AGMO: variants seen among roughly 807,000 people sequenced by gnomAD.
AGMO encodes alkylglycerol monooxygenase, also known as glyceryl-ether monooxygenase.
A neutral mutation model predicts 60.2 loss-of-function variants in AGMO; 75 were observed. The observed-to-expected ratio is 1.25, with a 90% CI of 1.03 to 1.51. AGMO has a LOEUF of 1.51. AGMO is among the 40% of genes most tolerant of loss of function. The probability of loss-of-function intolerance (pLI) is 0.00; values close to 1 mark genes in which losing one functional copy is unlikely to be tolerated. For missense variants in AGMO, 763 were observed against 525.5 expected (o/e 1.45, Z -4.42); for synonymous variants, 261 against 177.1 (o/e 1.47, Z -3.76).
intron 12 of AGMO, among the ~76,000 whole-genome samples, chr7:15,364,613 T>A (rs912069117): frequency 6.6e-6 from 1 of 152,092 alleles, no homozygotes; most frequent in African/African-American, 2.4e-5. Context: ...TGTGTGAGTA[T>A]ATCATTTCAG....
At chr7:15,381,882 G>A (rs1460146625) in intron 10 of AGMO, among the ~76,000 whole-genome samples, 1 of 152,118 alleles carries the variant, frequency 6.6e-6, no homozygotes, top group Non-Finnish European at 1.5e-5. Context: ...GAACATGGAT[G>A]GAGCTGGAGG....
intron 6 of AGMO, among the ~76,000 whole-genome samples, chr7:15,391,110 G>C (rs940340052): frequency 6.6e-6 from 1 of 151,924 alleles, no homozygotes; most frequent in African/African-American, 2.4e-5. Flanking sequence ...CTAAAAAGGG[G>C]AAGTGTTTTC....
chr7:15,328,759 T>A (rs536870630), intron 12 of AGMO, among the ~76,000 whole-genome samples: 4 of 152,120 alleles, frequency 2.6e-5, no homozygotes, highest in African/African-American at 7.2e-5. Flanking sequence ...TTTCCAAGAG[T>A]TTCCCATATA....
intron 12 of AGMO, among the ~76,000 whole-genome samples, chr7:15,220,592 G>A (rs1781889997): frequency 6.6e-6 from 1 of 151,854 alleles, no homozygotes; most frequent in African/African-American, 2.4e-5. Context: ...ATACTGTCTT[G>A]TGCATGTTAA....
the AGMO span, among the ~76,000 whole-genome samples, chr7:15,132,187 C>T: frequency 6.6e-6 from 1 of 152,032 alleles, no homozygotes; most frequent in African/African-American, 2.4e-5. Context: ...CTGGTGTTCG[C>T]TGATATTAGA....
At chr7:15,484,918 AAT>A (rs1782871348) in intron 3 of AGMO, among the ~76,000 whole-genome samples, 1 of 152,142 alleles carries the variant, frequency 6.6e-6, no homozygotes, top group African/African-American at 2.4e-5. Flanking sequence ...ACATCAACGA[AAT>A]ATGTAGAGGG....
chr7:15,311,686 A>C (rs1049444174), intron 12 of AGMO, among the ~76,000 whole-genome samples: 5 of 152,212 alleles, frequency 3.3e-5, no homozygotes, highest in Admixed American at 6.5e-5. Flanking sequence ...TTTAAAAATC[A>C]GGGACCAATA....
intron 12 of AGMO, among the ~76,000 whole-genome samples, chr7:15,247,200 G>C (rs956687025): frequency 3.3e-5 from 5 of 151,674 alleles, no homozygotes; most frequent in African/African-American, 1.2e-4. Flanking sequence ...AGTAGAGAAA[G>C]ATGTTTATCA....
intron 3 of AGMO, among the ~76,000 whole-genome samples, chr7:15,468,271 T>A (rs1406919321): frequency 6.6e-6 from 1 of 152,180 alleles, no homozygotes; most frequent in East Asian, 1.9e-4. Flanking sequence ...TGTTTTTACT[T>A]TTCTCCTGGA....
chr7:15,382,486 A>T (rs1358959312), intron 10 of AGMO, among the ~76,000 whole-genome samples: 6 of 152,178 alleles, frequency 3.9e-5, no homozygotes, highest in African/African-American at 1.4e-4. Flanking sequence ...GAGGCATGAA[A>T]GGAAGTTCGC....
chr7:15,291,415 C>T (rs1015014051), intron 12 of AGMO, among the ~76,000 whole-genome samples: 14 of 152,110 alleles, frequency 9.2e-5, no homozygotes, highest in African/African-American at 3.4e-4. Flanking sequence ...TATTGTATTT[C>T]TAACTTTGCC....
intron 12 of AGMO, among the ~76,000 whole-genome samples, chr7:15,325,858 C>T (rs1014358167): frequency 6.6e-6 from 1 of 151,984 alleles, no homozygotes; most frequent in African/African-American, 2.4e-5. Context: ...TTTATGACAT[C>T]TTGACTTGGT....
At chr7:15,374,870 T>C (rs1181656473) in intron 10 of AGMO, among the ~76,000 whole-genome samples, 3 of 152,000 alleles carry the variant, frequency 2.0e-5, no homozygotes, top group Non-Finnish European at 4.4e-5. Flanking sequence ...TAGAGAACCC[T>C]AAAAATTTGC....
intron 12 of AGMO, among the ~76,000 whole-genome samples, chr7:15,349,749 C>G (rs974265901): frequency 6.6e-6 from 1 of 152,088 alleles, no homozygotes; most frequent in African/African-American, 2.4e-5. Flanking sequence ...CAGAAGGCAT[C>G]TCTTCACAGG....
chr7:15,144,899 T>A, the AGMO span, among the ~76,000 whole-genome samples: 4,548 of 152,246 alleles, frequency 0.03, 202 homozygotes, highest in African/African-American at 0.1. Flanking sequence ...GTGCGATCTC[T>A]GCTCACTGCA....
chr7:15,217,063 A>T (rs1427762570), intron 12 of AGMO, among the ~76,000 whole-genome samples: 1 of 152,088 alleles, frequency 6.6e-6, no homozygotes, highest in Non-Finnish European at 1.5e-5. Flanking sequence ...GAAATACTAG[A>T]GTCTATGGAA....
chr7:15,374,518 C>A (rs1404921656), intron 10 of AGMO, among the ~76,000 whole-genome samples: 1 of 151,996 alleles, frequency 6.6e-6, no homozygotes, highest in Non-Finnish European at 1.5e-5. Flanking sequence ...TTATATTTGA[C>A]ACTATGGTTC....
At chr7:15,271,190 T>A (rs964273859) in intron 12 of AGMO, among the ~76,000 whole-genome samples, 36 of 152,178 alleles carry the variant, frequency 2.4e-4, no homozygotes, top group African/African-American at 8.4e-4. Context: ...AAACTGATAT[T>A]TCTTACTCAG....
intron 3 of AGMO, among the ~76,000 whole-genome samples, chr7:15,485,436 A>G (rs1440300969): frequency 6.6e-6 from 1 of 152,234 alleles, no homozygotes; most frequent in African/African-American, 2.4e-5. Context: ...ATGGAAACAA[A>G]GAAGCTCAAA....
Sources: allele counts gnomAD v4.1 joint callset (sites outside exome capture counted in the v4.1 genomes callset), GRCh38; gene constraint gnomAD v4.1.1; transcripts MANE v1.5; gene names NCBI Gene and HGNC (gene_info 2026-07-23, HGNC 2026-07-21).